NECTIN1: variants seen among roughly 807,000 people sequenced by gnomAD.
NECTIN1 encodes the protein nectin-1.
NECTIN1 carries 23 observed loss-of-function variants against 48.0 expected under a neutral mutation model. That is an observed-to-expected ratio of 0.48 (90% CI 0.34 to 0.68). The LOEUF (loss-of-function observed/expected upper bound fraction) is 0.68, where lower values mean the gene tolerates loss of function less well. Among genes scored for constraint, NECTIN1 ranks in the 30% least tolerant of loss-of-function variants. NECTIN1 has a pLI of 0.01. For synonymous variants in NECTIN1, 270 were observed against 288.9 expected, an observed-to-expected ratio of 0.93 and a Z score of 0.66; for missense variants, 591 against 709.9, an observed-to-expected ratio of 0.83 and a Z score of 1.90.
At chr11:119,712,136 A>G (rs1215225066) in intron 1 of NECTIN1, among the ~76,000 whole-genome samples, 1 of 152,206 alleles carries the variant, frequency 6.6e-6, no homozygotes, top group Non-Finnish European at 1.5e-5. Context: ...TGGACTGCGC[A>G]CAGGTCAGGC....
chr11:119,703,513 T>C (rs1865490640), intron 1 of NECTIN1, among the ~76,000 whole-genome samples: 1 of 152,166 alleles, frequency 6.6e-6, no homozygotes, highest in South Asian at 2.1e-4. Context: ...AGATCCCCTG[T>C]GTACCCAGGA....
intron 1 of NECTIN1, among the ~76,000 whole-genome samples, chr11:119,701,762 T>C (rs1865456838): frequency 6.6e-6 from 1 of 152,194 alleles, no homozygotes; most frequent in Non-Finnish European, 1.5e-5. Flanking sequence ...TTTATTTTCC[T>C]GCCCAACAAG....
chr11:119,711,169 T>C (rs1372524516), intron 1 of NECTIN1, among the ~76,000 whole-genome samples: 4 of 151,774 alleles, frequency 2.6e-5, no homozygotes, highest in Non-Finnish European at 5.9e-5. Flanking sequence ...GCAGGTGGAT[T>C]ACCTGAGGTC....
intron 5 of NECTIN1, chr11:119,674,655 G>A (rs747892314): frequency 6.2e-7 from 1 of 1,614,200 alleles, no homozygotes; most frequent in South Asian, 1.1e-5. Context: ...AAGCTGCAGG[G>A]AAAGCTCAGT....
intron 5 of NECTIN1, among the ~76,000 whole-genome samples, chr11:119,652,362 C>T (rs1322197064): frequency 6.6e-6 from 1 of 152,116 alleles, no homozygotes; most frequent in Non-Finnish European, 1.5e-5. Flanking sequence ...TCTCCTCCCC[C>T]TCCTCCTCTG....
At position 119,677,156 on chromosome 11, in the gene NECTIN1, T is replaced by C. The variant is rs1428445812; in HGVS notation, c.797A>G (p.Lys266Arg). 1.2e-6 allele frequency: 2 copies of C among 1,614,112 alleles called. No homozygotes were observed. The highest frequency in any genetic ancestry group is 2.2e-5 in the East Asian group (1 of 44,872). The change falls in exon 4 of 6, where the codon AAG becomes AGG. Residue 266 changes from lysine (K) to arginine (R), a missense_variant. Lys to Arg is a conservative substitution (Grantham distance 26). Coordinates refer to ENST00000264025, the MANE Select transcript of NECTIN1 (RefSeq NM_002855.5). The surrounding 1 kb of genome is among the most constrained non-coding windows in gnomAD (Gnocchi z 5.4). ...GTTAGCATCAGCTTTGCAGGTGAGCTTCACGTCCATCCGCTGCAGGTACCA... is the reference window on the plus strand; with the variant it reads ...GTTAGCATCAGCTTTGCAGGTGAGCCTCACGTCCATCCGCTGCAGGTACCA... ...GNWYLQRMDV[K>R]LTCKADANPP...
chr11:119,714,127 A>G (rs1865707788), intron 1 of NECTIN1, among the ~76,000 whole-genome samples: 1 of 152,132 alleles, frequency 6.6e-6, no homozygotes, highest in Non-Finnish European at 1.5e-5. Flanking sequence ...CCACCAAAGA[A>G]GCAAAGAGGC....
At chr11:119,660,148 TA>T (rs1282511971), downstream of NECTIN1, among the ~76,000 whole-genome samples, 1 of 152,204 alleles carries the variant, frequency 6.6e-6, no homozygotes, top group Non-Finnish European at 1.5e-5. Flanking sequence ...TCTATCATTT[TA>T]CCCCCTCCCT....
At chr11:119,690,096 G>A (rs1456555890) in intron 1 of NECTIN1, among the ~76,000 whole-genome samples, 1 of 152,202 alleles carries the variant, frequency 6.6e-6, no homozygotes, top group East Asian at 1.9e-4. Flanking sequence ...ACCAGGCCTT[G>A]GCACAAGGTG....
chr11:119,677,712 C>G lies in NECTIN1; in HGVS notation c.576G>C (p.Glu192Asp). The change falls in exon 3 of 6, where the codon GAG becomes GAC. Residue 192 changes from glutamate (E) to aspartate (D), a missense_variant. By Grantham distance (45) the Glu-to-Asp change is conservative. Transcript: ENST00000264025. This position sits in a 1 kb window ranked among gnomAD's most constrained non-coding sequence, Gnocchi z 5.4. ...VVSWETRLKG[E>D]AEYQEIRNPN... ...GGTTCCGGATCTCCTGGTACTCTGC[C>G]TCACCTTTTAACCGAGTTTCCCAGG... 1 of 1,614,186 alleles carries G rather than the reference C, an allele frequency of 6.2e-7. No homozygotes were observed. The highest frequency in any genetic ancestry group is 2.2e-5 in the East Asian group (1 of 44,872).
At position 119,727,924 on chromosome 11, in the gene NECTIN1, C is replaced by T. The variant is rs1415830421; in HGVS notation, c.79+551G>A. ...GAACCGCAGGTGAGCGAGGAGCCGC[C>T]TCTGCCGCAGCAGCCGACTCTCCGC... On this transcript the variant is annotated intron_variant, in intron 1 of 5. Coordinates refer to ENST00000264025, the MANE Select transcript of NECTIN1 (RefSeq NM_002855.5). The surrounding 1 kb of genome is among the most constrained non-coding windows in gnomAD (Gnocchi z 4.1). 2.0e-5 allele frequency among the ~76,000 whole-genome samples: 3 copies of T among 152,198 alleles called. No homozygotes were observed. The highest frequency in any genetic ancestry group is 7.2e-5 in the African/African-American group (3 of 41,450).
At chr11:119,705,957 C>T (rs143473156) in intron 1 of NECTIN1, among the ~76,000 whole-genome samples, 3 of 151,496 alleles carry the variant, frequency 2.0e-5, no homozygotes, top group South Asian at 4.2e-4. Flanking sequence ...GAGAGGGAGG[C>T]GGGGAGGGGC....
intron 4 of NECTIN1, chr11:119,675,574 T>G: frequency 2.4e-6 from 1 of 410,934 alleles, no homozygotes; most frequent in East Asian, 4.9e-5. Flanking sequence ...AACCTGAGGT[T>G]CAAGGCCAGG....
At position 119,663,908 on chromosome 11, in the gene NECTIN1, T is replaced by C; in HGVS notation, c.*839A>G. On this transcript the variant is annotated 3_prime_UTR_variant, in exon 6 of 6. Transcript: ENST00000264025. ...GGCAGTGTCTGGATGGGGCAGGGCA[T>C]GGGACTCCAGGGGAAAGCAGGCAGA... 1.0e-6 allele frequency: 1 copy of C among 986,786 alleles called. No homozygotes were observed. Among genetic ancestry groups the C allele is most frequent in the Non-Finnish European group, 1.2e-6 (1 of 831,042 alleles). 61.1% of individuals were successfully genotyped at this position (986,786 alleles called of 1,614,324 possible).
intron 5 of NECTIN1, among the ~76,000 whole-genome samples, chr11:119,643,953 A>G (rs1208218685): frequency 2.6e-5 from 4 of 152,204 alleles, no homozygotes; most frequent in African/African-American, 9.6e-5. Flanking sequence ...CAGAGCAGTC[A>G]AGTCAGCAGT....
intron 1 of NECTIN1, among the ~76,000 whole-genome samples, chr11:119,717,055 G>A (rs574557675): frequency 2.6e-5 from 4 of 152,378 alleles, no homozygotes; most frequent in Admixed American, 2.6e-4. Context: ...GATGAGAGAG[G>A]GTAATGGGGA....
intron 1 of NECTIN1, among the ~76,000 whole-genome samples, chr11:119,680,031 G>T (rs1396549692): frequency 1.3e-5 from 2 of 152,222 alleles, no homozygotes; most frequent in Non-Finnish European, 2.9e-5. Flanking sequence ...CCAGTGCCCA[G>T]TGCAGCATCT....
chr11:119,674,352 C>T (rs1173712042), intron 5 of NECTIN1: 2 of 1,423,412 alleles, frequency 1.4e-6, no homozygotes, highest in East Asian at 2.6e-5. Context: ...TGTTTTGATG[C>T]TTCCATTAAT....
At chr11:119,705,306 A>G (rs1316002620) in intron 1 of NECTIN1, among the ~76,000 whole-genome samples, 1 of 152,226 alleles carries the variant, frequency 6.6e-6, no homozygotes, top group Non-Finnish European at 1.5e-5. Context: ...TCCCAGGCAT[A>G]CAGCACTGGA....
Sources: gnomAD v4.1 joint callset for allele counts (sites outside exome capture counted in the v4.1 genomes callset) on GRCh38, gnomAD v4.1.1 for gene constraint, Gnocchi (gnomAD v3.1) non-coding constraint, MANE v1.5 for transcripts, NCBI Gene and HGNC (gene_info 2026-07-23, HGNC 2026-07-21) for gene names.